FBXO25: variants seen among roughly 807,000 people sequenced by gnomAD.
FBXO25 encodes F-box protein 25, also known as F-box only protein 25.
FBXO25 carries 45 observed loss-of-function variants against 51.9 expected under a neutral mutation model. The ratio of observed to expected loss-of-function variants is 0.87; its 90% CI spans 0.68 to 1.11. FBXO25 has a LOEUF of 1.11. Among genes scored for constraint, FBXO25 ranks in the 50% most tolerant of loss-of-function variants. FBXO25 has a pLI of 0.00. For synonymous variants in FBXO25, 199 were observed against 151.0 expected (o/e 1.32, Z -2.33); for missense variants, 507 against 428.5 (o/e 1.18, Z -1.62).
At chr8:453,659 A>T (rs902968190) in intron 7 of FBXO25, among the ~76,000 whole-genome samples, 16 of 152,166 alleles carry the variant, frequency 1.1e-4, no homozygotes, top group African/African-American at 3.9e-4. Context: ...GAGGTGACTC[A>T]AGCAGATGGG....
At chr8:412,705 T>C (rs540258052) in intron 1 of FBXO25, among the ~76,000 whole-genome samples, 3 of 152,230 alleles carry the variant, frequency 2.0e-5, no homozygotes, top group Non-Finnish European at 4.4e-5. Context: ...TGAACATGAA[T>C]ACATTTCATT....
chr8:467,647 C>G, intron 9 of FBXO25: 2 of 1,484,586 alleles, frequency 1.3e-6, no homozygotes, highest in Non-Finnish European at 1.9e-6. Flanking sequence ...CTGGCTCTTT[C>G]TAATCTTAAC....
intron 2 of FBXO25, among the ~76,000 whole-genome samples, chr8:414,810 C>T (rs774292448): frequency 6.6e-6 from 1 of 152,162 alleles, no homozygotes; most frequent in Non-Finnish European, 1.5e-5. Context: ...GCACAGTGAG[C>T]GAGAACTAGT....
chr8:416,215 G>C (rs1015461682), intron 2 of FBXO25, among the ~76,000 whole-genome samples: 2 of 152,162 alleles, frequency 1.3e-5, no homozygotes, highest in African/African-American at 4.8e-5. Flanking sequence ...TGGTTGGCCT[G>C]CTCTACTCCT....
intron 6 of FBXO25, among the ~76,000 whole-genome samples, chr8:450,502 C>G (rs544836086): frequency 6.6e-6 from 1 of 152,228 alleles, no homozygotes; most frequent in Non-Finnish European, 1.5e-5. Flanking sequence ...GTAAATGGAA[C>G]TTTAAATTTC....
chr8:454,904 G>GAA (rs371095638), intron 7 of FBXO25, among the ~76,000 whole-genome samples: 1 of 131,000 alleles, frequency 7.6e-6, no homozygotes, highest in African/African-American at 3.0e-5. Context: ...AAAAGAAAAA[G>GAA]AAAAAGAAAA....
At position 476,727 on chromosome 8, in the gene FBXO25, C is replaced by G. The variant is rs1242348522; in HGVS notation, c.*7923C>G. 2 of 151,986 alleles carry G rather than the reference C, an allele frequency of 1.3e-5. No individual in the cohort carries two copies. The highest frequency in any genetic ancestry group is 2.9e-5 in the Non-Finnish European group (2 of 67,974). 9.4% of individuals were successfully genotyped at this position (151,986 alleles called of 1,614,324 possible). A position where few individuals can be genotyped will look rare whatever the true frequency, so the allele number is the denominator to read the frequency against. The stretch of plus-strand genomic sequence containing the variant: ...CTGGTTTTTAGTTGTTTTTCTTAGT[C>G]ACTCTTAGCTATCAACAAACTCTTG... On this transcript the variant is annotated 3_prime_UTR_variant, in exon 10 of 10. Coordinates refer to ENST00000350302, the MANE Select transcript of FBXO25 (RefSeq NM_183420.2).
intron 7 of FBXO25, among the ~76,000 whole-genome samples, chr8:456,672 T>G (rs1799455421): frequency 6.6e-6 from 1 of 152,146 alleles, no homozygotes; most frequent in South Asian, 2.1e-4. Flanking sequence ...GTCCAGAATG[T>G]TAGAGCACTT....
rs369144197 is a variant in FBXO25, at chr8:420,211, G to A, written c.134+6998G>A. Among the ~76,000 whole-genome samples, 3 of 152,180 alleles carry A rather than the reference G, an allele frequency of 2.0e-5. No homozygotes were observed. In the East Asian group the frequency reaches 5.8e-4, roughly 29 times the overall value. Reference sequence around the variant, plus strand: ...GTGGGCCTAGGTGATTTGGAAGGCTGTGCACCTTCCTCATAAGGTACCAGC... The same window carrying A: ...GTGGGCCTAGGTGATTTGGAAGGCTATGCACCTTCCTCATAAGGTACCAGC... On this transcript the variant is annotated intron_variant, in intron 2 of 9. Coordinates refer to ENST00000350302, the MANE Select transcript of FBXO25 (RefSeq NM_183420.2).
chr8:441,571 CG>C (rs1234740140), intron 5 of FBXO25, among the ~76,000 whole-genome samples: 1 of 152,080 alleles, frequency 6.6e-6, no homozygotes, highest in Non-Finnish European at 1.5e-5. Flanking sequence ...GTTATCACAG[CG>C]AAGAGGCAAC....
In FBXO25 at chr8:469,870, T is replaced by C. The variant is rs1304251548; in HGVS notation, c.*1066T>C. The C allele has an allele frequency of 6.6e-6, 1 of 152,156 alleles. No homozygotes were observed. The highest frequency in any genetic ancestry group is 2.4e-5 in the African/African-American group (1 of 41,450). 9.4% of individuals were successfully genotyped at this position (152,156 alleles called of 1,614,324 possible). A position where few individuals can be genotyped will look rare whatever the true frequency, so the allele number is the denominator to read the frequency against. The stretch of plus-strand genomic sequence containing the variant: ...ATAATAAAAGTATACTTTTATGGCG[T>C]TATAAATAGGACTAAAAAAAGATTC... On this transcript the variant is annotated 3_prime_UTR_variant, in exon 10 of 10. Coordinates refer to ENST00000350302, the MANE Select transcript of FBXO25 (RefSeq NM_183420.2).
chr8:444,753 C>T (rs1260293167), intron 5 of FBXO25, among the ~76,000 whole-genome samples: 1 of 152,058 alleles, frequency 6.6e-6, no homozygotes, highest in Non-Finnish European at 1.5e-5. Flanking sequence ...TTTACTGTAC[C>T]TTTCCTATGT....
chr8:407,902 G>C (rs1405798709), intron 1 of FBXO25, among the ~76,000 whole-genome samples: 1 of 152,052 alleles, frequency 6.6e-6, no homozygotes, highest in African/African-American at 2.4e-5. Flanking sequence ...CTCTGTCCTT[G>C]GGCCTATTCA....
chr8:463,579 C>T (rs761228034), intron 9 of FBXO25, among the ~76,000 whole-genome samples: 1 of 152,206 alleles, frequency 6.6e-6, no homozygotes, highest in East Asian at 1.9e-4. Flanking sequence ...AGGGCCAGGA[C>T]CAGCTTAGGC....
chr8:433,388 G>C (rs1797928687), intron 4 of FBXO25, among the ~76,000 whole-genome samples: 1 of 152,158 alleles, frequency 6.6e-6, no homozygotes, highest in Admixed American at 6.5e-5. Context: ...CATTTTCTCT[G>C]TGTTAGCATG....
chr8:432,829 A>T lies in FBXO25; in HGVS notation c.239-57A>T, dbSNP rs553266062. 18 of 1,475,362 alleles carry T rather than the reference A, an allele frequency of 1.2e-5. No individual in the cohort carries two copies. The African/African-American group carries it at 2.6e-4, about 21-fold the overall frequency. 91.4% of individuals were successfully genotyped at this position (1,475,362 alleles called of 1,614,324 possible). A position where few individuals can be genotyped will look rare whatever the true frequency, so the allele number is the denominator to read the frequency against. The stretch of plus-strand genomic sequence containing the variant: ...GTCCAATTATTTAAATTCCTTTAAA[A>T]TCTTCATTTTGAAATGATTTGCCAG... On this transcript the variant is annotated intron_variant, in intron 3 of 9. Coordinates refer to ENST00000350302, the MANE Select transcript of FBXO25 (RefSeq NM_183420.2).
chr8:434,367 A>G (rs1377290184), intron 4 of FBXO25, among the ~76,000 whole-genome samples: 1 of 152,204 alleles, frequency 6.6e-6, no homozygotes, highest in African/African-American at 2.4e-5. Flanking sequence ...CATCGTGTGG[A>G]ATATCAGCTG....
intron 7 of FBXO25, among the ~76,000 whole-genome samples, chr8:455,593 T>TA (rs1342486455): frequency 6.6e-6 from 1 of 152,130 alleles, no homozygotes; most frequent in Admixed American, 6.5e-5. Context: ...TTTTTCTGTG[T>TA]AAAATAGAAT....
chr8:448,640 G>A (rs1369376799), intron 5 of FBXO25, among the ~76,000 whole-genome samples: 1 of 152,256 alleles, frequency 6.6e-6, no homozygotes, highest in Non-Finnish European at 1.5e-5. Context: ...TGCAGCATCA[G>A]CTGTGTGGCT....
Sources: allele counts gnomAD v4.1 joint callset (sites outside exome capture counted in the v4.1 genomes callset), GRCh38; gene constraint gnomAD v4.1.1; transcripts MANE v1.5; gene names NCBI Gene and HGNC (gene_info 2026-07-23, HGNC 2026-07-21).